Variants in NTRK2 observed in about 807,000 individuals in gnomAD.
NTRK2 encodes BDNF/NT-3 growth factors receptor.
In NTRK2, 13 loss-of-function variants were observed where a neutral mutation model predicts 94.5. The observed-to-expected ratio is 0.14, with a 90% CI of 0.09 to 0.22. The LOEUF (loss-of-function observed/expected upper bound fraction) is 0.22, where lower values mean the gene tolerates loss of function less well. Among genes scored for constraint, NTRK2 ranks in the 10% least tolerant of loss-of-function variants. NTRK2 has a pLI of 1.00. For missense variants in NTRK2, 639 were observed against 1,071.2 expected, an observed-to-expected ratio of 0.60 and a Z score of 5.63; for synonymous variants, 372 against 407.4, an observed-to-expected ratio of 0.91 and a Z score of 1.05.
chr9:84,951,250 G>A (rs1184909360), intron 16 of NTRK2, among the ~76,000 whole-genome samples: 1 of 152,186 alleles, frequency 6.6e-6, no homozygotes, highest in Non-Finnish European at 1.5e-5. Context: ...AGTATTCTGA[G>A]ACAATCTTGA....
chr9:84,856,710 C>T (rs966338573), intron 12 of NTRK2, among the ~76,000 whole-genome samples: 5 of 152,004 alleles, frequency 3.3e-5, no homozygotes, highest in African/African-American at 7.3e-5. Context: ...CATATTTTAC[C>T]GTTTGATTCC....
intron 11 of NTRK2, among the ~76,000 whole-genome samples, chr9:84,750,282 C>T (rs1443630935): frequency 6.6e-6 from 1 of 152,164 alleles, no homozygotes; most frequent in Non-Finnish European, 1.5e-5. Flanking sequence ...GGTTGAGAAA[C>T]ACTGCCTTAG....
intron 14 of NTRK2, among the ~76,000 whole-genome samples, chr9:84,932,672 C>A (rs1340154341): frequency 1.3e-5 from 2 of 152,110 alleles, no homozygotes; most frequent in African/African-American, 4.8e-5. Flanking sequence ...TCGGTCTTAA[C>A]CTTGGGAGCT....
intron 2 of NTRK2, among the ~76,000 whole-genome samples, chr9:84,696,070 C>A (rs1191991038): frequency 6.6e-6 from 1 of 152,152 alleles, no homozygotes. Flanking sequence ...GTGCAGTTGG[C>A]GCTATCATGG....
chr9:84,997,417 T>C (rs541794109), intron 17 of NTRK2, among the ~76,000 whole-genome samples: 2 of 152,324 alleles, frequency 1.3e-5, no homozygotes, highest in African/African-American at 4.8e-5. Context: ...ACCCAGGCTC[T>C]GAGCTTATGT....
At chr9:84,951,975 A>C in intron 16 of NTRK2, among the ~76,000 whole-genome samples, 1 of 152,194 alleles carries the variant, frequency 6.6e-6, no homozygotes, top group Non-Finnish European at 1.5e-5. Context: ...AATGAGGAAT[A>C]AAACACATGT....
At chr9:84,959,080 A>G (rs1824540269) in intron 17 of NTRK2, among the ~76,000 whole-genome samples, 1 of 152,136 alleles carries the variant, frequency 6.6e-6, no homozygotes, top group Non-Finnish European at 1.5e-5. Context: ...AGCTGGGGTA[A>G]TGTGTTCTCC....
At chr9:84,964,695 T>G (rs968884523) in intron 17 of NTRK2, among the ~76,000 whole-genome samples, 33 of 152,212 alleles carry the variant, frequency 2.2e-4, no homozygotes, top group African/African-American at 6.8e-4. Context: ...CTCAATGAAT[T>G]AAGCTCACAA....
chr9:84,744,782 G>A (rs890366252), intron 10 of NTRK2, among the ~76,000 whole-genome samples, 191 bp from the exon 11 acceptor site: 2 of 152,144 alleles, frequency 1.3e-5, no homozygotes, highest in South Asian at 2.1e-4. Context: ...AAATGTGGGC[G>A]TTGTGCAGTC....
chr9:84,849,568 T>C (rs1014577843), intron 12 of NTRK2, among the ~76,000 whole-genome samples: 1 of 152,204 alleles, frequency 6.6e-6, no homozygotes, highest in African/African-American at 2.4e-5. Context: ...CTTTAGTATC[T>C]ACAATGAACC....
chr9:85,000,809 G>T (rs1371377071), intron 17 of NTRK2, among the ~76,000 whole-genome samples: 3 of 152,302 alleles, frequency 2.0e-5, no homozygotes, highest in South Asian at 2.1e-4. Context: ...TATGGTAAGA[G>T]AATGTTTAGC....
chr9:84,735,084 T>C lies in NTRK2; in HGVS notation c.1160-6808T>C, dbSNP rs547804558. 9.9e-5 allele frequency among the ~76,000 whole-genome samples: 15 copies of C among 152,270 alleles called. No homozygotes were observed. The South Asian group carries it at 3.1e-3, about 32-fold the overall frequency. ...AATATTTAGGTACCTGGCTATTACTTTGTGTTTCATTAAAAAAATTGTCAT... is the reference window on the plus strand; with the variant it reads ...AATATTTAGGTACCTGGCTATTACTCTGTGTTTCATTAAAAAAATTGTCAT... On this transcript the variant is annotated intron_variant, in intron 9 of 18. Transcript: ENST00000277120.
chr9:84,710,930 A>G (rs2061383902), intron 6 of NTRK2, 139 bp downstream of exon 6: 3 of 801,866 alleles, frequency 3.7e-6, no homozygotes, highest in Non-Finnish European at 6.2e-6. Context: ...GACAACATTT[A>G]TGTGCAGTGT....
chr9:84,881,181 G>T (rs534153309), intron 14 of NTRK2, among the ~76,000 whole-genome samples: 14 of 152,130 alleles, frequency 9.2e-5, no homozygotes, highest in Non-Finnish European at 1.5e-4. Context: ...CATGAATCTC[G>T]AAATATTTGC....
intron 12 of NTRK2, among the ~76,000 whole-genome samples, chr9:84,834,870 G>A (rs186252478): frequency 3.9e-5 from 6 of 152,308 alleles, no homozygotes; most frequent in Admixed American, 6.5e-5. Context: ...TTATAAATGA[G>A]GGGTCTGCAT....
At position 85,024,038 on chromosome 9, in the gene NTRK2, A is replaced by G; in HGVS notation, c.*2601A>G. 4.4e-6 allele frequency: 1 copy of G among 228,426 alleles called. No homozygotes were observed. Among genetic ancestry groups the G allele is most frequent in the Middle Eastern group, 1.3e-3 (1 of 754 alleles). 14.1% of individuals were successfully genotyped at this position (228,426 alleles called of 1,614,324 possible). ...AAAAATAAAATAAAATTCCACTTATACCTTCTGACAAGTCCCTAAAGGTCT... is the reference window on the plus strand; with the variant it reads ...AAAAATAAAATAAAATTCCACTTATGCCTTCTGACAAGTCCCTAAAGGTCT... On this transcript the variant is annotated 3_prime_UTR_variant, in exon 19 of 19. Coordinates refer to ENST00000277120, the MANE Select transcript of NTRK2 (RefSeq NM_006180.6).
At chr9:84,923,316 G>A (rs1365705246) in intron 14 of NTRK2, among the ~76,000 whole-genome samples, 2 of 152,174 alleles carry the variant, frequency 1.3e-5, no homozygotes, top group African/African-American at 2.4e-5. Flanking sequence ...TTGCCCAGCT[G>A]CAGAACACTT....
upstream of NTRK2, chr9:84,669,244 A>C (rs2058548938): frequency 6.6e-6 from 1 of 152,574 alleles, no homozygotes; most frequent in South Asian, 2.1e-4. This position sits in a 1 kb window ranked among gnomAD's most constrained non-coding sequence, Gnocchi z 4.1. Flanking sequence ...GGAAAGGAGA[A>C]CGCGGGGAGG....
chr9:85,010,597 T>C (rs780296947), intron 17 of NTRK2, among the ~76,000 whole-genome samples: 3 of 152,224 alleles, frequency 2.0e-5, no homozygotes, highest in Non-Finnish European at 4.4e-5. Flanking sequence ...GAGGGTTTCA[T>C]TCTTCCATTG....
Sources: gnomAD v4.1 joint callset for allele counts (sites outside exome capture counted in the v4.1 genomes callset) on GRCh38, gnomAD v4.1.1 for gene constraint, Gnocchi (gnomAD v3.1) non-coding constraint, MANE v1.5 for transcripts, NCBI Gene and HGNC (gene_info 2026-07-23, HGNC 2026-07-21) for gene names.